The following FOXP2 variants were observed in gnomAD, a reference collection of about 807,000 sequenced individuals.
FOXP2 encodes the protein forkhead box protein P2.
In FOXP2, 12 loss-of-function variants were observed where a neutral mutation model predicts 115.8. That is an observed-to-expected ratio of 0.10 (90% CI 0.07 to 0.17). The LOEUF is 0.17. FOXP2 is among the 10% of genes least tolerant of loss of function. The pLI, the probability that FOXP2 is intolerant of heterozygous loss-of-function variation, is 1.00. For synonymous variants in FOXP2, 328 were observed against 297.7 expected (o/e 1.10, Z -1.05); for missense variants, 629 against 843.5 (o/e 0.75, Z 3.15).
intron 3 of FOXP2, among the ~76,000 whole-genome samples, chr7:114,585,157 A>T (rs1006028866): frequency 1.3e-5 from 2 of 152,218 alleles, no homozygotes; most frequent in African/African-American, 4.8e-5. Context: ...AAGTATGTAA[A>T]GATTTTTGGA....
intron 2 of FOXP2, among the ~76,000 whole-genome samples, chr7:114,314,041 C>A (rs2129180473): frequency 6.6e-6 from 1 of 151,404 alleles, no homozygotes; most frequent in Admixed American, 6.6e-5. Flanking sequence ...GAAAGCAGAA[C>A]CAAAAAGAAT....
At chr7:114,399,194 G>T in intron 2 of FOXP2, among the ~76,000 whole-genome samples, 1 of 148,760 alleles carries the variant, frequency 6.7e-6, no homozygotes, top group African/African-American at 2.5e-5. Flanking sequence ...TGCAACCTCT[G>T]CCTCCCCAAT....
intron 13 of FOXP2, 194 bp from the exon 14 acceptor site, chr7:114,661,871 C>T (rs532175654): frequency 3.2e-6 from 2 of 618,374 alleles, no homozygotes; most frequent in Non-Finnish European, 5.4e-6. Flanking sequence ...GTTCTCTTAT[C>T]ACAAAGTTCA....
intron 2 of FOXP2, among the ~76,000 whole-genome samples, chr7:114,377,751 T>C (rs1792178202): frequency 6.6e-6 from 1 of 152,244 alleles, no homozygotes; most frequent in Non-Finnish European, 1.5e-5. Context: ...TTCTCTTCAC[T>C]GAAGTCTTAC....
chr7:114,203,962 A>G (rs1794139067), intron 1 of FOXP2, among the ~76,000 whole-genome samples: 1 of 152,192 alleles, frequency 6.6e-6, no homozygotes, highest in Non-Finnish European at 1.5e-5. Context: ...CATTGTAAAT[A>G]GTTCTTTATA....
chr7:114,216,499 A>G (rs1794488008), intron 1 of FOXP2, among the ~76,000 whole-genome samples: 2 of 152,150 alleles, frequency 1.3e-5, no homozygotes, highest in South Asian at 2.1e-4. Flanking sequence ...TAGATTTTGT[A>G]TTATGTTTAC....
At chr7:114,249,910 T>G (rs1219908669) in intron 1 of FOXP2, among the ~76,000 whole-genome samples, 1 of 151,884 alleles carries the variant, frequency 6.6e-6, no homozygotes, top group Non-Finnish European at 1.5e-5. Flanking sequence ...TAACTAGTCA[T>G]TTACATTAGG....
intron 3 of FOXP2, among the ~76,000 whole-genome samples, chr7:114,585,693 C>T (rs1029045138): frequency 1.3e-5 from 2 of 151,934 alleles, no homozygotes; most frequent in African/African-American, 4.8e-5. Context: ...GATGAAACCC[C>T]GTCTCTACCA....
intron 2 of FOXP2, among the ~76,000 whole-genome samples, chr7:114,458,756 T>TCTTCCAAATTGCTTGATG (rs1197895725): frequency 5.9e-5 from 9 of 152,184 alleles, no homozygotes; most frequent in Admixed American, 2.6e-4. Context: ...ATTGCTTGAC[T>TCTTCCAAATTGCTTGATG]CTTCCAAATT....
intron 1 of FOXP2, among the ~76,000 whole-genome samples, chr7:114,099,001 G>C (rs1469884783): frequency 6.6e-6 from 1 of 152,106 alleles, no homozygotes; most frequent in African/African-American, 2.4e-5. Flanking sequence ...CGGGCATGGT[G>C]GCTTGTGCCT....
chr7:114,504,859 C>T (rs1797737155), intron 2 of FOXP2, among the ~76,000 whole-genome samples: 1 of 151,506 alleles, frequency 6.6e-6, no homozygotes, highest in African/African-American at 2.4e-5. Context: ...CAGTAAAAAG[C>T]ATTGGTATTA....
Position 114,488,113 on chromosome 7 carries a change from G to A in FOXP2, c.169-46504G>A, listed in dbSNP as rs926614191. Among the ~76,000 whole-genome samples, 4 of 152,202 alleles carry A rather than the reference G, an allele frequency of 2.6e-5. No individual in the cohort carries two copies. The South Asian group carries it at 6.2e-4, about 24-fold the overall frequency. ...ATGGCTGGGGAGGACTCACAATTAC[G>A]GTGGAAGGCAAAGGGGAGGCAAGAC... is the stretch of plus-strand genomic sequence containing the variant. On this transcript the variant is annotated intron_variant, in intron 2 of 16. Coordinates refer to ENST00000350908, the MANE Select transcript of FOXP2 (RefSeq NM_014491.4).
At chr7:114,539,725 C>T (rs1053010872) in intron 3 of FOXP2, among the ~76,000 whole-genome samples, 10 of 151,990 alleles carry the variant, frequency 6.6e-5, no homozygotes, top group Non-Finnish European at 1.5e-5. Context: ...GATGATGTTT[C>T]TATCCATGAC....
intron 2 of FOXP2, among the ~76,000 whole-genome samples, chr7:114,505,804 TA>T (rs1028053691): frequency 4.6e-5 from 7 of 151,618 alleles, no homozygotes; most frequent in Admixed American, 4.6e-4. Context: ...TGCTGTTATG[TA>T]AAAGTCATGT....
intron 1 of FOXP2, among the ~76,000 whole-genome samples, chr7:114,122,919 A>G (rs1791605663): frequency 6.6e-6 from 1 of 152,056 alleles, no homozygotes; most frequent in South Asian, 2.1e-4. Flanking sequence ...GTTTAACTTT[A>G]TACATTTTTT....
chr7:114,142,679 C>G (rs1185588620), intron 1 of FOXP2, among the ~76,000 whole-genome samples: 3 of 152,158 alleles, frequency 2.0e-5, no homozygotes, highest in South Asian at 4.1e-4. Flanking sequence ...TGCCTATTTT[C>G]TGGCATATGG....
At chr7:114,395,855 G>T (rs929664838) in intron 2 of FOXP2, among the ~76,000 whole-genome samples, 1 of 151,452 alleles carries the variant, frequency 6.6e-6, no homozygotes. Context: ...GGCAGGGGGG[G>T]TCACGTTTTC....
chr7:114,370,440 G>A (rs1474788223), intron 2 of FOXP2, among the ~76,000 whole-genome samples: 2 of 152,186 alleles, frequency 1.3e-5, no homozygotes, highest in African/African-American at 4.8e-5. Context: ...ACCTGTGTTG[G>A]CTCTGTTCCT....
chr7:114,534,652 G>A lies in FOXP2; in HGVS notation c.204G>A (p.Gln68=). The change falls in exon 3 of 17, where the codon CAG becomes CAA. Residue 68 remains glutamine, a synonymous_variant. Coordinates refer to ENST00000350908, the MANE Select transcript of FOXP2 (RefSeq NM_014491.4). ...LQAARQLLLQ[Q]QTSGLKSPKS... ...CAGCAAGACAACTTCTTTTACAGCA[G>A]CAAACAAGTGGATTGAAATCTCCTA... 1 of 1,611,974 alleles carries A rather than the reference G, an allele frequency of 6.2e-7. No homozygotes were observed. The highest frequency in any genetic ancestry group is 8.5e-7 in the Non-Finnish European group (1 of 1,178,528).
Sources: allele counts gnomAD v4.1 joint callset (sites outside exome capture counted in the v4.1 genomes callset), GRCh38; gene constraint gnomAD v4.1.1; transcripts MANE v1.5; gene names NCBI Gene and HGNC (gene_info 2026-07-23, HGNC 2026-07-21).